GUCY1A2: variants seen among roughly 807,000 people sequenced by gnomAD.
The protein encoded by GUCY1A2 is guanylate cyclase 1 soluble subunit alpha 2, also known as guanylate cyclase soluble subunit alpha-2.
GUCY1A2 carries 27 observed loss-of-function variants against 63.5 expected under a neutral mutation model. That is an observed-to-expected ratio of 0.43 (90% CI 0.31 to 0.59). The LOEUF (loss-of-function observed/expected upper bound fraction) is 0.59, where lower values mean the gene tolerates loss of function less well. GUCY1A2 is among the 20% of genes least tolerant of loss of function. GUCY1A2 has a pLI of 0.11. For missense variants in GUCY1A2, 768 were observed against 913.3 expected (o/e 0.84, Z 2.05); for synonymous variants, 364 against 343.5 (o/e 1.06, Z -0.66).
chr11:106,997,617 A>ACAC (rs1861556528), intron 1 of GUCY1A2, among the ~76,000 whole-genome samples: 2 of 119,764 alleles, frequency 1.7e-5, no homozygotes, highest in African/African-American at 3.2e-5. Flanking sequence ...AAGATAGGGA[A>ACAC]CCCCCCCCCC....
intron 4 of GUCY1A2, among the ~76,000 whole-genome samples, chr11:106,912,916 C>T (rs1238955302): frequency 1.3e-5 from 2 of 152,230 alleles, no homozygotes; most frequent in East Asian, 3.9e-4. Flanking sequence ...TTCCAAAAAA[C>T]CTATACTGAT....
intron 6 of GUCY1A2, among the ~76,000 whole-genome samples, chr11:106,734,660 C>T (rs969018606): frequency 3.3e-5 from 5 of 151,994 alleles, no homozygotes; most frequent in African/African-American, 1.2e-4. Flanking sequence ...AAGTTATTGC[C>T]AAAGTTCCTC....
chr11:106,680,987 CATT>C lies in GUCY1A2; in HGVS notation c.*6559_*6561del. 1 of 203,496 alleles carries C rather than the reference CATT, an allele frequency of 4.9e-6. No individual in the cohort carries two copies. Among genetic ancestry groups the C allele is most frequent in the African/African-American group, 2.3e-5 (1 of 43,802 alleles). 12.6% of individuals were successfully genotyped at this position (203,496 alleles called of 1,614,324 possible). On this transcript the variant is annotated 3_prime_UTR_variant, in exon 8 of 8. Coordinates refer to ENST00000526355, the MANE Select transcript of GUCY1A2 (RefSeq NM_000855.3). The stretch of plus-strand genomic sequence containing the variant: ...GTTGATTTTAGCTGTAATCCTTATA[CATT>C]ATTCTAAATGATGAAGTAAATTTAA...
chr11:106,763,347 T>C (rs895692618), intron 6 of GUCY1A2, among the ~76,000 whole-genome samples: 1 of 151,682 alleles, frequency 6.6e-6, no homozygotes, highest in Admixed American at 6.6e-5. Context: ...TGGGGGGCAG[T>C]GAGAGATGGG....
At position 106,727,268 on chromosome 11, in the gene GUCY1A2, A is replaced by T. The variant is rs540551283; in HGVS notation, c.1837-18602T>A. ...AAAGAAGGACATCCACGTTGTGGTG[A>T]GCCAAGTCATCCTGACAACATGAGA... On this transcript the variant is annotated intron_variant, in intron 6 of 7. Coordinates refer to ENST00000526355, the MANE Select transcript of GUCY1A2 (RefSeq NM_000855.3). 7.2e-5 allele frequency among the ~76,000 whole-genome samples: 11 copies of T among 152,334 alleles called. No individual in the cohort carries two copies. In the South Asian group the frequency reaches 1.9e-3, roughly 26 times the overall value.
rs1013722347 is a variant in GUCY1A2, at chr11:106,679,875, A to T, written c.*7674T>A. 4.6e-6 allele frequency: 1 copy of T among 217,782 alleles called. No individual in the cohort carries two copies. Among genetic ancestry groups the T allele is most frequent in the African/African-American group, 2.2e-5 (1 of 44,448 alleles). 13.5% of individuals were successfully genotyped at this position (217,782 alleles called of 1,614,324 possible). A position where few individuals can be genotyped will look rare whatever the true frequency, so the allele number is the denominator to read the frequency against. ...TCTATTTGTAGCTCTGTAAGCTTCTATCCCAGCTTCACTGAGATGTGCAGC... is the reference window on the plus strand; with the variant it reads ...TCTATTTGTAGCTCTGTAAGCTTCTTTCCCAGCTTCACTGAGATGTGCAGC... On this transcript the variant is annotated 3_prime_UTR_variant, in exon 8 of 8. Transcript: ENST00000526355.
At chr11:106,842,747 T>G (rs1018585057) in intron 4 of GUCY1A2, among the ~76,000 whole-genome samples, 2 of 151,824 alleles carry the variant, frequency 1.3e-5, no homozygotes, top group Admixed American at 6.6e-5. Context: ...AGGTGGGTGG[T>G]GGGTGGAAGG....
intron 5 of GUCY1A2, among the ~76,000 whole-genome samples, chr11:106,797,926 C>T (rs1353611076): frequency 6.6e-6 from 1 of 152,030 alleles, no homozygotes; most frequent in Non-Finnish European, 1.5e-5. Context: ...CAGAGCAGAA[C>T]TGAAGGAGAT....
At chr11:106,759,338 T>C (rs1864026155) in intron 6 of GUCY1A2, among the ~76,000 whole-genome samples, 1 of 152,122 alleles carries the variant, frequency 6.6e-6, no homozygotes, top group Non-Finnish European at 1.5e-5. Flanking sequence ...AGAGCAAGAA[T>C]TTTCTACTTA....
chr11:106,897,186 G>C (rs1860062465), intron 4 of GUCY1A2, among the ~76,000 whole-genome samples: 1 of 151,988 alleles, frequency 6.6e-6, no homozygotes, highest in African/African-American at 2.4e-5. Flanking sequence ...TCTGATGAAA[G>C]AAATTAAAGA....
intron 4 of GUCY1A2, among the ~76,000 whole-genome samples, chr11:106,923,325 A>T (rs954431508): frequency 6.6e-6 from 1 of 152,248 alleles, no homozygotes. Context: ...AAATCCTTAG[A>T]TCGCTCGCTT....
chr11:106,814,247 C>G (rs1187346906), intron 4 of GUCY1A2, among the ~76,000 whole-genome samples: 2 of 152,034 alleles, frequency 1.3e-5, no homozygotes, highest in East Asian at 1.9e-4. Flanking sequence ...AAAATGGGCA[C>G]TTCTAGATTT....
intron 4 of GUCY1A2, among the ~76,000 whole-genome samples, chr11:106,811,282 C>T (rs1858758971): frequency 6.6e-6 from 1 of 151,946 alleles, no homozygotes; most frequent in African/African-American, 2.4e-5. Context: ...TGCCCAGTAG[C>T]CTAATGAACA....
intron 4 of GUCY1A2, among the ~76,000 whole-genome samples, chr11:106,890,557 T>C (rs1376440070): frequency 2.6e-5 from 4 of 152,224 alleles, no homozygotes; most frequent in Non-Finnish European, 5.9e-5. Flanking sequence ...TCTTCCTGTA[T>C]GTGACGGTTC....
chr11:106,813,387 G>C (rs11211924), intron 4 of GUCY1A2, among the ~76,000 whole-genome samples: 1 of 151,786 alleles, frequency 6.6e-6, no homozygotes, highest in Non-Finnish European at 1.5e-5. Flanking sequence ...TGCTGGGTTG[G>C]GGGGTACATG....
intron 6 of GUCY1A2, among the ~76,000 whole-genome samples, chr11:106,742,798 CCCA>C (rs1190839605): frequency 6.6e-6 from 1 of 152,146 alleles, no homozygotes; most frequent in African/African-American, 2.4e-5. Flanking sequence ...AATTTACACT[CCCA>C]CCAACATTGT....
chr11:106,818,356 A>G (rs978316447), intron 4 of GUCY1A2, among the ~76,000 whole-genome samples: 8 of 152,142 alleles, frequency 5.3e-5, no homozygotes, highest in Non-Finnish European at 7.4e-5. Context: ...ACCTGTGATC[A>G]GTGATCCTTG....
At chr11:106,731,985 A>G (rs1863513544) in intron 6 of GUCY1A2, among the ~76,000 whole-genome samples, 1 of 152,214 alleles carries the variant, frequency 6.6e-6, no homozygotes, top group Non-Finnish European at 1.5e-5. Flanking sequence ...AAAGCAATTT[A>G]TAGATTCAAT....
At chr11:106,715,148 A>G (rs1863192371) in intron 6 of GUCY1A2, among the ~76,000 whole-genome samples, 1 of 152,212 alleles carries the variant, frequency 6.6e-6, no homozygotes, top group African/African-American at 2.4e-5. Context: ...CAAAAGATTC[A>G]GTTATTCTCA....
Sources: gnomAD v4.1 joint callset for allele counts (sites outside exome capture counted in the v4.1 genomes callset) on GRCh38, gnomAD v4.1.1 for gene constraint, MANE v1.5 for transcripts, NCBI Gene and HGNC (gene_info 2026-07-23, HGNC 2026-07-21) for gene names.